The following NIM1K variants were observed in gnomAD, a reference collection of about 807,000 sequenced individuals.
NIM1K encodes NIM1 serine/threonine protein kinase, also known as serine/threonine-protein kinase NIM1.
Under a neutral mutation model 37.1 loss-of-function variants are expected in NIM1K, and 35 were observed. The ratio of observed to expected loss-of-function variants is 0.94; its 90% CI spans 0.72 to 1.25. The LOEUF (loss-of-function observed/expected upper bound fraction) is 1.25, where lower values mean the gene tolerates loss of function less well. Among genes scored for constraint, NIM1K ranks in the 50% most tolerant of loss-of-function variants. The pLI, the probability that NIM1K is intolerant of heterozygous loss-of-function variation, is 0.00. For synonymous variants in NIM1K, 234 were observed against 206.6 expected, an observed-to-expected ratio of 1.13 and a Z score of -1.14; for missense variants, 564 against 548.0, an observed-to-expected ratio of 1.03 and a Z score of -0.29.
chr5:43,207,212 T>G, intron 1 of NIM1K: 1 of 750,004 alleles, frequency 1.3e-6, no homozygotes, highest in Admixed American at 1.7e-5. Context: ...AGAGAGTGAT[T>G]TGGCATATAC....
chr5:43,260,062 A>G (rs536900869), intron 2 of NIM1K, among the ~76,000 whole-genome samples: 31 of 152,218 alleles, frequency 2.0e-4, no homozygotes, highest in South Asian at 6.2e-4. Context: ...ATGTTTTTGT[A>G]TGCTTTGTTG....
At chr5:43,254,213 A>G (rs1752908727) in intron 2 of NIM1K, among the ~76,000 whole-genome samples, 1 of 152,226 alleles carries the variant, frequency 6.6e-6, no homozygotes, top group Non-Finnish European at 1.5e-5. Context: ...GGGTGAGAGC[A>G]GGACGGGACA....
chr5:43,269,266 C>T (rs1368468242), intron 2 of NIM1K, among the ~76,000 whole-genome samples: 12 of 141,832 alleles, frequency 8.5e-5, no homozygotes, highest in Non-Finnish European at 1.7e-4. Context: ...GCCAAGATTG[C>T]GCCTTGCTCT....
chr5:43,197,816 C>T (rs569253092), intron 1 of NIM1K, among the ~76,000 whole-genome samples: 1 of 152,178 alleles, frequency 6.6e-6, no homozygotes, highest in Non-Finnish European at 1.5e-5. Flanking sequence ...TAGCCTTTGG[C>T]CATTATATTT....
intron 2 of NIM1K, among the ~76,000 whole-genome samples, chr5:43,260,096 A>T (rs1411841648): frequency 2.0e-5 from 3 of 152,074 alleles, no homozygotes; most frequent in Non-Finnish European, 2.9e-5. Flanking sequence ...TGTTAGTTTT[A>T]AAAAAAGAGA....
At chr5:43,231,015 C>A (rs1328059898) in intron 1 of NIM1K, among the ~76,000 whole-genome samples, 1 of 152,144 alleles carries the variant, frequency 6.6e-6, no homozygotes, top group Non-Finnish European at 1.5e-5. Flanking sequence ...TTACACTAAT[C>A]AAAAAATATA....
Position 43,215,213 on chromosome 5 carries a change from C to T in NIM1K, c.-695+22802C>T, listed in dbSNP as rs138812828. Among the ~76,000 whole-genome samples the T allele has an allele frequency of 1.6e-3, 243 of 152,340 alleles. 1 individual carries two copies. The highest frequency in any genetic ancestry group is 5.5e-3 in the African/African-American group (229 of 41,570). On this transcript the variant is annotated intron_variant, in intron 1 of 3. Transcript: ENST00000326035. The stretch of plus-strand genomic sequence containing the variant: ...AACAGTGTGTAATTCTCAGAAGTGG[C>T]TCCCAAAGCCCTCTGGCTCCCTGGT...
At chr5:43,232,065 C>A in intron 1 of NIM1K, 1 of 1,032,748 alleles carries the variant, frequency 9.7e-7, no homozygotes, top group Non-Finnish European at 1.5e-6. Flanking sequence ...GTGTCTTGAC[C>A]AGGTCTCCAC....
At chr5:43,206,994 A>G in intron 1 of NIM1K, 1 of 756,366 alleles carries the variant, frequency 1.3e-6, no homozygotes, top group South Asian at 1.4e-5. Flanking sequence ...GAATTGAGTC[A>G]GGACAGTACT....
intron 1 of NIM1K, among the ~76,000 whole-genome samples, chr5:43,238,460 T>G (rs1752652573): frequency 1.3e-5 from 2 of 152,002 alleles, no homozygotes; most frequent in Admixed American, 6.5e-5. Flanking sequence ...ATCTTTTATC[T>G]TCTGCTTCTT....
At chr5:43,209,442 G>T (rs1392237888) in intron 1 of NIM1K, among the ~76,000 whole-genome samples, 1 of 151,938 alleles carries the variant, frequency 6.6e-6, no homozygotes, top group African/African-American at 2.4e-5. Context: ...CACTGGAAAG[G>T]GTTTTGCTTT....
At chr5:43,235,952 G>A (rs1048171394) in intron 1 of NIM1K, among the ~76,000 whole-genome samples, 15 of 151,900 alleles carry the variant, frequency 9.9e-5, no homozygotes, top group Admixed American at 3.3e-4. Flanking sequence ...CTTCGCCAGT[G>A]TTTTAAAAGG....
chr5:43,262,841 C>A (rs1753054822), intron 2 of NIM1K, among the ~76,000 whole-genome samples: 2 of 152,036 alleles, frequency 1.3e-5, no homozygotes, highest in African/African-American at 4.8e-5. Context: ...TTGTCAAAGA[C>A]CTTTTCTGCA....
intron 1 of NIM1K, among the ~76,000 whole-genome samples, chr5:43,218,149 T>C (rs1752329794): frequency 6.6e-6 from 1 of 152,060 alleles, no homozygotes; most frequent in South Asian, 2.1e-4. Flanking sequence ...TAGCTGGGAT[T>C]GTAGGCACCC....
At chr5:43,215,944 C>G (rs1752293220) in intron 1 of NIM1K, among the ~76,000 whole-genome samples, 1 of 152,144 alleles carries the variant, frequency 6.6e-6, no homozygotes, top group Non-Finnish European at 1.5e-5. Flanking sequence ...CTGCAGATAC[C>G]TACATAATTT....
intron 2 of NIM1K, among the ~76,000 whole-genome samples, chr5:43,276,785 C>T (rs554055344): frequency 6.6e-5 from 10 of 152,244 alleles, no homozygotes; most frequent in African/African-American, 1.4e-4. Flanking sequence ...AAGTTCTCTC[C>T]GGGCTTAGCA....
At chr5:43,202,550 C>T (rs1437924925) in intron 1 of NIM1K, among the ~76,000 whole-genome samples, 1 of 152,166 alleles carries the variant, frequency 6.6e-6, no homozygotes, top group African/African-American at 2.4e-5. Flanking sequence ...TAAAAGTCCC[C>T]TAGTGTGCTT....
intron 2 of NIM1K, among the ~76,000 whole-genome samples, chr5:43,275,309 T>A (rs2111564044): frequency 6.6e-6 from 1 of 152,330 alleles, no homozygotes; most frequent in South Asian, 2.1e-4. Context: ...AAATTAGACC[T>A]ACCACACTCT....
chr5:43,196,906 G>T (rs1337862647), intron 1 of NIM1K, among the ~76,000 whole-genome samples: 2 of 150,580 alleles, frequency 1.3e-5, no homozygotes, highest in Admixed American at 1.3e-4. Flanking sequence ...TTGAGTAGCT[G>T]GGGCTATAGG....
Sources: allele counts gnomAD v4.1 joint callset (sites outside exome capture counted in the v4.1 genomes callset), GRCh38; gene constraint gnomAD v4.1.1; transcripts MANE v1.5; gene names NCBI Gene and HGNC (gene_info 2026-07-23, HGNC 2026-07-21).